The following SIAH3 variants were observed in gnomAD, a reference collection of about 807,000 sequenced individuals.
The protein encoded by SIAH3 is siah E3 ubiquitin protein ligase family member 3.
A neutral mutation model predicts 12.6 loss-of-function variants in SIAH3; 9 were observed. That is an observed-to-expected ratio of 0.72 (90% CI 0.43 to 1.25). The LOEUF is 1.25. Ranked by LOEUF, SIAH3 falls within the 50% of genes most tolerant of loss-of-function variation. The pLI is 0.00. For synonymous variants in SIAH3, 154 were observed against 151.1 expected, an observed-to-expected ratio of 1.02 and a Z score of -0.14; for missense variants, 390 against 365.4, an observed-to-expected ratio of 1.07 and a Z score of -0.55.
intron 1 of SIAH3, among the ~76,000 whole-genome samples, chr13:45,840,116 T>C (rs1950735014): frequency 6.6e-6 from 1 of 151,548 alleles, no homozygotes; most frequent in Non-Finnish European, 1.5e-5. Flanking sequence ...AAATTAGCTG[T>C]GCGTGGTGGT....
chr13:45,784,312 T>A (rs575838086), intron 1 of SIAH3, among the ~76,000 whole-genome samples: 1 of 151,182 alleles, frequency 6.6e-6, no homozygotes, highest in African/African-American at 2.4e-5. Context: ...TGTGGTTCTT[T>A]AATAAGATAC....
intron 1 of SIAH3, among the ~76,000 whole-genome samples, chr13:45,801,890 G>C (rs985806962): frequency 6.6e-6 from 1 of 152,210 alleles, no homozygotes; most frequent in Non-Finnish European, 1.5e-5. Flanking sequence ...GCTGGGTTTT[G>C]GTGGAAATCC....
chr13:45,841,958 G>A (rs1950741692), intron 1 of SIAH3, among the ~76,000 whole-genome samples: 2 of 152,226 alleles, frequency 1.3e-5, no homozygotes, highest in South Asian at 4.1e-4. Context: ...ATATTAGAGA[G>A]GCAATGTCCT....
chr13:45,780,244 C>G lies in SIAH3; in HGVS notation c.*3139G>C, dbSNP rs1346070212. On this transcript the variant is annotated 3_prime_UTR_variant, in exon 2 of 2. Coordinates refer to ENST00000400405, the MANE Select transcript of SIAH3 (RefSeq NM_198849.3). ...ATCTGCAGCCCACCCACTTCCTGGG[C>G]CCCCTGCTTCCAGGTGGACTAGTGC... The G allele has an allele frequency of 2.0e-5, 3 of 147,500 alleles. No individual in the cohort carries two copies. Among genetic ancestry groups the G allele is most frequent in the Non-Finnish European group, 4.5e-5 (3 of 67,394 alleles). The allele number at this position is 147,500 out of a possible 1,614,324, so 9.1% of individuals were successfully genotyped here.
intron 1 of SIAH3, among the ~76,000 whole-genome samples, chr13:45,847,864 G>A (rs567835220): frequency 3.0e-4 from 46 of 152,222 alleles, no homozygotes; most frequent in African/African-American, 1.1e-3. Context: ...AAGTGCTGAT[G>A]ACTGACCCCA....
intron 1 of SIAH3, among the ~76,000 whole-genome samples, chr13:45,808,079 A>T (rs1413729863): frequency 1.3e-5 from 2 of 151,988 alleles, no homozygotes; most frequent in Non-Finnish European, 2.9e-5. Flanking sequence ...ATGTGCGGTG[A>T]TGTTGTGTTG....
rs745715345 is a variant in SIAH3 at position 45,783,951 on chromosome 13, A to AGGT, written c.239_241dup (p.His80dup). On this transcript the variant is annotated inframe_insertion, in exon 2 of 2. Coordinates refer to ENST00000400405, the MANE Select transcript of SIAH3 (RefSeq NM_198849.3). ...GTGGTGGGGGTGGGCGTGGTGGCGG[A>AGGT]GGTGGTGGTGGTGGCGGTGGTGGCA... 1.9e-6 allele frequency: 3 copies of AGGT among 1,601,382 alleles called. No homozygotes were observed. The highest frequency in any genetic ancestry group is 1.7e-5 in the Admixed American group (1 of 59,620).
chr13:45,795,943 ATG>A (rs1254626679), intron 1 of SIAH3, among the ~76,000 whole-genome samples: 6 of 37,324 alleles, frequency 1.6e-4, no homozygotes, highest in African/African-American at 7.3e-4. Context: ...TCTCAAAAAC[ATG>A]TTGAATTTTT....
intron 1 of SIAH3, among the ~76,000 whole-genome samples, chr13:45,785,457 CT>C (rs890069726): frequency 3.9e-5 from 6 of 152,212 alleles, no homozygotes; most frequent in African/African-American, 1.4e-4. Context: ...GAGTTTCTAT[CT>C]ATCTCCCCTG....
intron 1 of SIAH3, among the ~76,000 whole-genome samples, chr13:45,811,420 T>C (rs1438381922): frequency 6.6e-6 from 1 of 152,218 alleles, no homozygotes; most frequent in Non-Finnish European, 1.5e-5. Context: ...TAGAACGTTT[T>C]GAAAGGGTAC....
intron 1 of SIAH3, among the ~76,000 whole-genome samples, chr13:45,827,954 G>A (rs1257472923): frequency 3.3e-5 from 5 of 152,156 alleles, no homozygotes; most frequent in Non-Finnish European, 1.5e-5. Flanking sequence ...ATGCACTACT[G>A]TCACTGCTGT....
At chr13:45,792,387 C>T (rs923230474) in intron 1 of SIAH3, among the ~76,000 whole-genome samples, 8 of 144,760 alleles carry the variant, frequency 5.5e-5, no homozygotes, top group Non-Finnish European at 1.1e-4. Flanking sequence ...GATGGAGTTT[C>T]ACTCTTATCC....
Position 45,783,817 on chromosome 13 carries a change from G to A in SIAH3, c.376C>T (p.His126Tyr). ...TCAACCCTATGGATCTGCCGCAGGT[G>A]GGGCACCACCACCTCCAGGCGGCCT... The part of the protein sequence containing the change: ...WEGRLEVVVP[H>Y]LRQIHRVDIL... Residue 126 changes from histidine to tyrosine, a missense_variant, in exon 2 of 2, where the codon CAC becomes TAC. Physicochemically the swap from His to Tyr is moderately conservative, Grantham distance 83 (BLOSUM62 2). Transcript: ENST00000400405. 1.2e-6 allele frequency: 2 copies of A among 1,614,176 alleles called. No homozygotes were observed. The highest frequency in any genetic ancestry group is 1.7e-6 in the Non-Finnish European group (2 of 1,180,040).
intron 1 of SIAH3, among the ~76,000 whole-genome samples, chr13:45,825,731 C>T (rs118142135): frequency 0.022 from 3,296 of 152,342 alleles, 58 homozygotes; most frequent in Middle Eastern, 0.061. Context: ...CTCATCTGTT[C>T]GTTCATTCAA....
rs1337452106 is a variant in SIAH3 at position 45,777,326 on chromosome 13, T to C, written c.*6057A>G. On this transcript the variant is annotated 3_prime_UTR_variant, in exon 2 of 2. Transcript: ENST00000400405. ...AGTAGCAGTTTGAGTTTGTCCAAGT[T>C]ATTGTCTTTAACATTATAAGAAAGC... The C allele has an allele frequency of 1.3e-5, 2 of 152,338 alleles. No homozygotes were observed. Among genetic ancestry groups the C allele is most frequent in the Non-Finnish European group, 2.9e-5 (2 of 68,030 alleles). 9.4% of individuals were successfully genotyped at this position (152,338 alleles called of 1,614,324 possible).
chr13:45,832,780 A>C (rs761314819), intron 1 of SIAH3, among the ~76,000 whole-genome samples: 3 of 152,210 alleles, frequency 2.0e-5, no homozygotes, highest in Non-Finnish European at 4.4e-5. Context: ...TCCATTTTAC[A>C]TTCTTACCAG....
intron 1 of SIAH3, among the ~76,000 whole-genome samples, chr13:45,809,561 G>A (rs943113654): frequency 3.3e-5 from 5 of 152,094 alleles, no homozygotes; most frequent in Non-Finnish European, 7.4e-5. Context: ...TTACTGGGCT[G>A]GAAAGACCCC....
chr13:45,785,109 A>C (rs1234599768), intron 1 of SIAH3, among the ~76,000 whole-genome samples: 1 of 152,130 alleles, frequency 6.6e-6, no homozygotes, highest in Non-Finnish European at 1.5e-5. Context: ...ATTCATCTTC[A>C]CGCCCCCTGA....
In SIAH3 at chr13:45,780,094, T is replaced by A. The variant is rs7325411; in HGVS notation, c.*3289A>T. The A allele has an allele frequency of 0.85, 128,907 of 152,102 alleles. 54,624 individuals carry two copies. Among genetic ancestry groups the A allele is most frequent in the Middle Eastern group, 0.87 (257 of 294 alleles). 9.4% of individuals were successfully genotyped at this position (152,102 alleles called of 1,614,324 possible). On this transcript the variant is annotated 3_prime_UTR_variant, in exon 2 of 2. Transcript: ENST00000400405. ...CCTTAGAGAGTGAGTCATTAACTCTTGCACCTTGGTGTGAATGAGGCAACC... is the reference window on the plus strand; with the variant it reads ...CCTTAGAGAGTGAGTCATTAACTCTAGCACCTTGGTGTGAATGAGGCAACC...
Sources: gnomAD v4.1 joint callset for allele counts (sites outside exome capture counted in the v4.1 genomes callset) on GRCh38, gnomAD v4.1.1 for gene constraint, MANE v1.5 for transcripts, NCBI Gene and HGNC (gene_info 2026-07-23, HGNC 2026-07-21) for gene names.